The following ZNF208 variants were observed in gnomAD, a reference collection of about 807,000 sequenced individuals.
ZNF208 encodes the protein zinc finger protein 208, also known as zinc finger protein 95.
A neutral mutation model predicts 12.1 loss-of-function variants in ZNF208; 10 were observed. The observed-to-expected ratio is 0.83, with a 90% CI of 0.51 to 1.40. The LOEUF is 1.40. ZNF208 is among the 40% of genes most tolerant of loss of function. The pLI is 0.00. For synonymous variants in ZNF208, 497 were observed against 488.4 expected (o/e 1.02, Z -0.23); for missense variants, 1,652 against 1,485.0 (o/e 1.11, Z -1.85).
At position 21,966,510 on chromosome 19, in the gene ZNF208, C is replaced by G. The variant is rs549080371; in HGVS notation, c.*4681G>C. 19 of 152,052 alleles carry G rather than the reference C, an allele frequency of 1.2e-4. No individual in the cohort carries two copies. The highest frequency in any genetic ancestry group is 4.6e-4 in the African/African-American group (19 of 41,426). 9.4% of individuals were successfully genotyped at this position (152,052 alleles called of 1,614,324 possible). ...CATTTTTCTTATCCAATAAAAGATT[C>G]ATGGGTAACTGGTTAAATTCTGTTT... is the stretch of plus-strand genomic sequence containing the variant. On this transcript the variant is annotated 3_prime_UTR_variant, in exon 4 of 4. Transcript: ENST00000397126.
intron 3 of ZNF208, among the ~76,000 whole-genome samples, chr19:21,976,237 A>T (rs1169210872): frequency 6.6e-6 from 1 of 152,224 alleles, no homozygotes; most frequent in South Asian, 2.1e-4. Context: ...ATTTAAGAGC[A>T]GACATAATAG....
intron 3 of ZNF208, among the ~76,000 whole-genome samples, chr19:21,982,357 C>CAAA (rs34234040): frequency 5.6e-5 from 6 of 107,412 alleles, no homozygotes; most frequent in Non-Finnish European, 9.1e-5. Flanking sequence ...GACTCCATCT[C>CAAA]AAAAAAAAAA....
chr19:21,984,635 T>C (rs1432144848), intron 3 of ZNF208, among the ~76,000 whole-genome samples: 2 of 152,194 alleles, frequency 1.3e-5, no homozygotes, highest in Admixed American at 6.6e-5. Flanking sequence ...GCAAAGGTTG[T>C]AATGTTAATA....
chr19:21,996,623 C>G (rs751138132), intron 1 of ZNF208, among the ~76,000 whole-genome samples: 1 of 152,060 alleles, frequency 6.6e-6, no homozygotes, highest in Admixed American at 6.6e-5. Context: ...AAATTCAGGT[C>G]CTGCATGGGT....
intron 4 of ZNF208, among the ~76,000 whole-genome samples, chr19:21,949,977 C>T (rs1278594262): frequency 2.0e-5 from 3 of 152,172 alleles, no homozygotes; most frequent in Non-Finnish European, 4.4e-5. Context: ...AAAAACCTGC[C>T]CTTGCCTGAA....
At chr19:22,004,910 CA>C (rs35291127) in intron 1 of ZNF208, among the ~76,000 whole-genome samples, 2 of 152,068 alleles carry the variant, frequency 1.3e-5, no homozygotes, top group Admixed American at 1.3e-4. Context: ...CTGAACCAAC[CA>C]AAAATAAAAG....
At chr19:21,999,385 AC>A (rs1599631732) in intron 1 of ZNF208, among the ~76,000 whole-genome samples, 2 of 152,300 alleles carry the variant, frequency 1.3e-5, no homozygotes, top group East Asian at 3.9e-4. Context: ...TTGTCTACAA[AC>A]ACTACACATA....
intron 4 of ZNF208, among the ~76,000 whole-genome samples, chr19:21,949,952 A>T (rs1465359333): frequency 6.6e-6 from 1 of 152,210 alleles, no homozygotes; most frequent in Admixed American, 6.5e-5. Flanking sequence ...TGCTAAGGTG[A>T]TCTGCAGTCT....
rs115001012 is a variant in ZNF208, at chr19:21,969,489, C to A, written c.*1702G>T. The stretch of plus-strand genomic sequence containing the variant: ...TCTACTGTGAATTAGCTGATATTTA[C>A]ATAAACTTAATTTTGGATTAAATAT... On this transcript the variant is annotated 3_prime_UTR_variant, in exon 4 of 4. Transcript: ENST00000397126. 7.8e-4 allele frequency among the ~76,000 whole-genome samples: 118 copies of A among 152,232 alleles called. No individual in the cohort carries two copies. The highest frequency in any genetic ancestry group is 2.7e-3 in the African/African-American group (114 of 41,552).
downstream of ZNF208, among the ~76,000 whole-genome samples, chr19:21,964,124 A>C (rs10409930): frequency 4.3e-3 from 659 of 152,072 alleles, 5 homozygotes; most frequent in African/African-American, 0.015. Flanking sequence ...GTGATTTACC[A>C]ATCAAAAATA....
At chr19:21,947,383 C>T (rs1969831025) in intron 4 of ZNF208, among the ~76,000 whole-genome samples, 1 of 152,110 alleles carries the variant, frequency 6.6e-6, no homozygotes, top group Non-Finnish European at 1.5e-5. Flanking sequence ...TAGGAACAGC[C>T]TATCAAAACC....
intron 4 of ZNF208, among the ~76,000 whole-genome samples, chr19:21,946,679 T>G (rs1219992878): frequency 6.6e-6 from 1 of 152,170 alleles, no homozygotes; most frequent in African/African-American, 2.4e-5. Flanking sequence ...GAAGGGTGAT[T>G]AGGAGTGAGG....
chr19:21,959,083 T>TA (rs879462154), intron 4 of ZNF208, among the ~76,000 whole-genome samples: 128 of 145,122 alleles, frequency 8.8e-4, no homozygotes, highest in East Asian at 2.6e-3. Flanking sequence ...GTCTCATGAT[T>TA]AAAAAAAAAA....
In ZNF208 at chr19:21,970,341, C is replaced by A. The variant is rs1051470626; in HGVS notation, c.*850G>T. Among the ~76,000 whole-genome samples the A allele has an allele frequency of 6.6e-6, 1 of 152,034 alleles. No homozygotes were observed. Among genetic ancestry groups the A allele is most frequent in the Non-Finnish European group, 1.5e-5 (1 of 67,986 alleles). Reference sequence around the variant, plus strand: ...GACTGGTTAAGGGCATTGCAACATTCCACACAATTGTAGGAATTCCCTCCA... The same window carrying A: ...GACTGGTTAAGGGCATTGCAACATTACACACAATTGTAGGAATTCCCTCCA... On this transcript the variant is annotated 3_prime_UTR_variant, in exon 4 of 4. Transcript: ENST00000397126.
intron 1 of ZNF208, among the ~76,000 whole-genome samples, chr19:22,008,427 T>A (rs893465309): frequency 1.3e-5 from 2 of 152,086 alleles, no homozygotes; most frequent in African/African-American, 2.4e-5. Context: ...TGAGAGATTC[T>A]CCCACCCCAT....
At chr19:22,010,055 G>A (rs920816305) in intron 1 of ZNF208, among the ~76,000 whole-genome samples, 3 of 151,898 alleles carry the variant, frequency 2.0e-5, no homozygotes, top group African/African-American at 4.8e-5. Flanking sequence ...CGTGGTGGCG[G>A]GCGGCTGTAG....
chr19:21,942,637 C>G (rs1969758997), intron 4 of ZNF208, among the ~76,000 whole-genome samples: 2 of 151,958 alleles, frequency 1.3e-5, no homozygotes, highest in Non-Finnish European at 2.9e-5. Flanking sequence ...GTTTGTATGA[C>G]TTTTCTTTCT....
chr19:21,966,480 T>G lies in ZNF208; in HGVS notation c.*4711A>C, dbSNP rs1249462672. On this transcript the variant is annotated 3_prime_UTR_variant, in exon 4 of 4. Coordinates refer to ENST00000397126, the MANE Select transcript of ZNF208 (RefSeq NM_007153.3). ...TGCATAGTATTGGAGGTTGTATAAG[T>G]ACATCATTTTTCTTATCCAATAAAA... The G allele has an allele frequency of 6.6e-6, 1 of 152,144 alleles. No individual in the cohort carries two copies. 9.4% of individuals were successfully genotyped at this position (152,144 alleles called of 1,614,324 possible). A position where few individuals can be genotyped will look rare whatever the true frequency, so the allele number is the denominator to read the frequency against.
At chr19:21,964,572 G>A (rs148940810), downstream of ZNF208, among the ~76,000 whole-genome samples, 274 of 151,808 alleles carry the variant, frequency 1.8e-3, no homozygotes, top group Non-Finnish European at 2.9e-3. Context: ...CAGACACTCC[G>A]CATTTAACCA....
Sources: gnomAD v4.1 joint callset for allele counts (sites outside exome capture counted in the v4.1 genomes callset) on GRCh38, gnomAD v4.1.1 for gene constraint, MANE v1.5 for transcripts, NCBI Gene and HGNC (gene_info 2026-07-23, HGNC 2026-07-21) for gene names.